Variants in CTNNA2 observed in about 807,000 individuals in gnomAD.
CTNNA2 encodes catenin alpha-2.
Under a neutral mutation model 101.0 loss-of-function variants are expected in CTNNA2, and 42 were observed. That is an observed-to-expected ratio of 0.42 (90% CI 0.32 to 0.54). The LOEUF is 0.54. Ranked by LOEUF, CTNNA2 falls within the 20% of genes least tolerant of loss-of-function variation. CTNNA2 has a pLI of 0.14. For missense variants in CTNNA2, 871 were observed against 1,223.1 expected (o/e 0.71, Z 4.29); for synonymous variants, 450 against 456.4 (o/e 0.99, Z 0.18).
At chr2:79,840,128 C>T (rs1303600020) in intron 3 of CTNNA2, among the ~76,000 whole-genome samples, 1 of 152,224 alleles carries the variant, frequency 6.6e-6, no homozygotes, top group Non-Finnish European at 1.5e-5. Flanking sequence ...TTATCATTAT[C>T]AATTATGAAT....
intron 2 of CTNNA2, among the ~76,000 whole-genome samples, chr2:79,281,167 G>A (rs1675370188): frequency 2.0e-5 from 3 of 152,100 alleles, no homozygotes; most frequent in African/African-American, 4.8e-5. Context: ...ATCATAGGCA[G>A]TCTTGGTGGG....
chr2:79,598,428 G>A (rs1677338743), intron 1 of CTNNA2, among the ~76,000 whole-genome samples: 1 of 152,178 alleles, frequency 6.6e-6, no homozygotes, highest in South Asian at 2.1e-4. Flanking sequence ...ATTTCCACCA[G>A]CAATGAATGA....
chr2:80,054,945 G>A (rs1374150705), intron 7 of CTNNA2, among the ~76,000 whole-genome samples: 2 of 152,088 alleles, frequency 1.3e-5, no homozygotes, highest in South Asian at 4.2e-4. Flanking sequence ...GGGAAGAATG[G>A]TGCTATTTTT....
intron 2 of CTNNA2, among the ~76,000 whole-genome samples, chr2:79,683,316 G>T (rs538283497): frequency 1.3e-5 from 2 of 152,264 alleles, no homozygotes; most frequent in South Asian, 4.1e-4. Context: ...CTCCTAGAAT[G>T]TGTTTATTTT....
intron 7 of CTNNA2, among the ~76,000 whole-genome samples, chr2:79,947,186 A>G (rs907558149): frequency 1.3e-5 from 2 of 152,200 alleles, no homozygotes; most frequent in Admixed American, 6.5e-5. Flanking sequence ...ATAATTCAGG[A>G]AAACATTTAT....
chr2:79,698,315 C>T (rs2104740653), intron 2 of CTNNA2, among the ~76,000 whole-genome samples: 1 of 151,890 alleles, frequency 6.6e-6, no homozygotes, highest in African/African-American at 2.4e-5. Flanking sequence ...ACTATATATT[C>T]CTATATTTAG....
At chr2:80,345,223 A>G (rs950301233) in intron 7 of CTNNA2, among the ~76,000 whole-genome samples, 17 of 151,978 alleles carry the variant, frequency 1.1e-4, no homozygotes, top group African/African-American at 4.1e-4. Context: ...CCCTTATCTC[A>G]CAGATGTTAC....
chr2:79,929,498 C>T (rs1172943003), intron 7 of CTNNA2, among the ~76,000 whole-genome samples: 2 of 152,216 alleles, frequency 1.3e-5, no homozygotes, highest in Non-Finnish European at 2.9e-5. Flanking sequence ...TCTGAGCTGC[C>T]TCAAAGGCTA....
intron 7 of CTNNA2, among the ~76,000 whole-genome samples, chr2:79,962,898 C>T (rs531750711): frequency 2.0e-5 from 3 of 151,944 alleles, no homozygotes; most frequent in East Asian, 1.9e-4. Context: ...GGTGAAACCC[C>T]GTCTCTACTA....
At position 80,303,872 on chromosome 2, in the gene CTNNA2, C is replaced by T; in HGVS notation, c.1057-89339C>T. ...AGAATGTCCATTGGAAGCGCTCGGT[C>T]AGAAATCTACATCATATTTTATTCC... On this transcript the variant is annotated intron_variant, in intron 7 of 18. Coordinates refer to ENST00000402739, the MANE Select transcript of CTNNA2 (RefSeq NM_001282597.3). The surrounding 1 kb of genome is among the most constrained non-coding windows in gnomAD (Gnocchi z 7.7). The T allele has an allele frequency of 1.4e-6, 2 of 1,466,296 alleles. No homozygotes were observed. Among genetic ancestry groups the T allele is most frequent in the East Asian group, 4.7e-5 (2 of 42,246 alleles). 90.8% of individuals were successfully genotyped at this position (1,466,296 alleles called of 1,614,324 possible). A position where few individuals can be genotyped will look rare whatever the true frequency, so the allele number is the denominator to read the frequency against.
At chr2:80,386,810 C>T (rs1299038554) in intron 7 of CTNNA2, among the ~76,000 whole-genome samples, 1 of 152,148 alleles carries the variant, frequency 6.6e-6, no homozygotes, top group Non-Finnish European at 1.5e-5. Context: ...GTCTGCAGGT[C>T]CCTTCAAGGG....
At chr2:79,292,762 C>A (rs1302319608) in intron 2 of CTNNA2, among the ~76,000 whole-genome samples, 1 of 152,184 alleles carries the variant, frequency 6.6e-6, no homozygotes, top group East Asian at 1.9e-4. Flanking sequence ...TCCTGAGCAA[C>A]TCTGGCTTCA....
chr2:80,392,596 C>A (rs562796652), intron 7 of CTNNA2, among the ~76,000 whole-genome samples: 14 of 152,152 alleles, frequency 9.2e-5, no homozygotes, highest in African/African-American at 3.4e-4. Flanking sequence ...TCTACCTCTG[C>A]CTGTTGTAGT....
chr2:80,092,547 A>G lies in CTNNA2; in HGVS notation c.1056+182750A>G, dbSNP rs539285317. Among the ~76,000 whole-genome samples the G allele has an allele frequency of 5.3e-5, 8 of 152,256 alleles. No homozygotes were observed. The South Asian group carries it at 1.7e-3, about 32-fold the overall frequency. Reference sequence around the variant, plus strand: ...CAAGGTGTGTTGACAATTCCTGTTCAGTGACATGAGAAAAGAACTGTTAAG... The same window carrying G: ...CAAGGTGTGTTGACAATTCCTGTTCGGTGACATGAGAAAAGAACTGTTAAG... On this transcript the variant is annotated intron_variant, in intron 7 of 18. Transcript: ENST00000402739.
chr2:79,365,405 T>C (rs1403221185), intron 3 of CTNNA2, among the ~76,000 whole-genome samples: 1 of 152,118 alleles, frequency 6.6e-6, no homozygotes, highest in Non-Finnish European at 1.5e-5. Context: ...GGAGGATTGC[T>C]TGAGCCCAGG....
intron 2 of CTNNA2, among the ~76,000 whole-genome samples, chr2:79,298,680 C>T (rs1676038513): frequency 6.6e-6 from 1 of 152,174 alleles, no homozygotes; most frequent in Admixed American, 6.5e-5. Context: ...AGGTCCAACT[C>T]CCCCTTAGAC....
chr2:80,018,894 C>T (rs1471006504), intron 7 of CTNNA2, among the ~76,000 whole-genome samples: 1 of 151,554 alleles, frequency 6.6e-6, no homozygotes, highest in African/African-American at 2.4e-5. Flanking sequence ...AGAGTAGGTA[C>T]AATTGTCCCT....
intron 3 of CTNNA2, among the ~76,000 whole-genome samples, chr2:79,807,643 A>T (rs928648277): frequency 2.0e-5 from 3 of 152,200 alleles, no homozygotes; most frequent in African/African-American, 7.2e-5. Context: ...TCAAAAAATG[A>T]ATTAAAGTGT....
chr2:80,568,520 C>A (rs991272557), intron 12 of CTNNA2, among the ~76,000 whole-genome samples: 8 of 151,892 alleles, frequency 5.3e-5, no homozygotes, highest in African/African-American at 1.9e-4. Flanking sequence ...TACAGAAATA[C>A]CGATGAACTA....
Sources: gnomAD v4.1 joint callset for allele counts (sites outside exome capture counted in the v4.1 genomes callset) on GRCh38, gnomAD v4.1.1 for gene constraint, Gnocchi (gnomAD v3.1) non-coding constraint, MANE v1.5 for transcripts, NCBI Gene and HGNC (gene_info 2026-07-23, HGNC 2026-07-21) for gene names.